AGBL1: variants seen among roughly 807,000 people sequenced by gnomAD.
AGBL1 encodes the protein AGBL carboxypeptidase 1.
Under a neutral mutation model 118.9 loss-of-function variants are expected in AGBL1, and 130 were observed. That is an observed-to-expected ratio of 1.09 (90% CI 0.95 to 1.26). The LOEUF (loss-of-function observed/expected upper bound fraction) is 1.26. AGBL1 is among the 50% of genes most tolerant of loss of function. The pLI is 0.00. For synonymous variants in AGBL1, 555 were observed against 478.9 expected (o/e 1.16, Z -2.08); for missense variants, 1,584 against 1,298.1 (o/e 1.22, Z -3.38).
chr15:86,160,513 T>C (rs1413503462), intron 5 of AGBL1, among the ~76,000 whole-genome samples: 1 of 152,172 alleles, frequency 6.6e-6, no homozygotes. Flanking sequence ...CTGTCCTCAA[T>C]CATCTCATGT....
intron 22 of AGBL1, among the ~76,000 whole-genome samples, chr15:86,899,627 T>C (rs187681555): frequency 6.6e-6 from 1 of 152,206 alleles, no homozygotes; most frequent in East Asian, 1.9e-4. Context: ...ATTTATTGGG[T>C]ATATCAAGTC....
intron 22 of AGBL1, among the ~76,000 whole-genome samples, chr15:86,799,627 C>A (rs1214087501): frequency 6.6e-6 from 1 of 152,110 alleles, no homozygotes; most frequent in Non-Finnish European, 1.5e-5. Context: ...AGGATTCCCG[C>A]ATCTCCAGAA....
chr15:86,837,915 C>G (rs2079191521), intron 22 of AGBL1, among the ~76,000 whole-genome samples: 1 of 152,186 alleles, frequency 6.6e-6, no homozygotes, highest in Non-Finnish European at 1.5e-5. Flanking sequence ...GCCCCCTCTT[C>G]CTACCTTTGT....
At chr15:86,499,089 C>G (rs1260193012) in intron 18 of AGBL1, among the ~76,000 whole-genome samples, 1 of 151,854 alleles carries the variant, frequency 6.6e-6, no homozygotes, top group Non-Finnish European at 1.5e-5. Flanking sequence ...TGGATTACAG[C>G]TCTGAGCTCA....
At chr15:86,470,072 G>A (rs1186390622) in intron 18 of AGBL1, among the ~76,000 whole-genome samples, 1 of 152,102 alleles carries the variant, frequency 6.6e-6, no homozygotes, top group Non-Finnish European at 1.5e-5. Flanking sequence ...AAGCATTTTA[G>A]TATGACACAA....
intron 22 of AGBL1, among the ~76,000 whole-genome samples, chr15:86,829,770 A>AT (rs897290822): frequency 6.6e-6 from 1 of 151,988 alleles, no homozygotes; most frequent in African/African-American, 2.4e-5. Context: ...CAGTTATTTT[A>AT]TTTTTTAAAA....
At chr15:86,956,789 A>G (rs1258698071) in intron 23 of AGBL1, among the ~76,000 whole-genome samples, 1 of 148,978 alleles carries the variant, frequency 6.7e-6, no homozygotes, top group Non-Finnish European at 1.5e-5. Flanking sequence ...AGCAATGAGA[A>G]GTAAAGAGCT....
Position 86,148,776 on chromosome 15 carries a change from A to G in AGBL1, c.262+4931A>G, listed in dbSNP as rs571535458. Among the ~76,000 whole-genome samples, 7 of 152,268 alleles carry G rather than the reference A, an allele frequency of 4.6e-5. No individual in the cohort carries two copies. The South Asian group carries it at 1.0e-3, about 23-fold the overall frequency. Reference sequence around the variant, plus strand: ...CATTCGAATTCAGGAAATACAGAGAACGCCACAAAGATACTCCTCGAGAAG... The same window carrying G: ...CATTCGAATTCAGGAAATACAGAGAGCGCCACAAAGATACTCCTCGAGAAG... On this transcript the variant is annotated intron_variant, in intron 3 of 22. Transcript: ENST00000614907.
At chr15:86,131,291 A>C (rs1164999507) in intron 1 of AGBL1, among the ~76,000 whole-genome samples, 1 of 152,150 alleles carries the variant, frequency 6.6e-6, no homozygotes, top group Non-Finnish European at 1.5e-5. Context: ...GAAATTGGCT[A>C]AGATTCAAGA....
At chr15:86,117,421 C>G (rs17592847) in intron 1 of AGBL1, among the ~76,000 whole-genome samples, 9,022 of 152,162 alleles carry the variant, frequency 0.059, 405 homozygotes, top group South Asian at 0.14. Flanking sequence ...ATCTGATTGA[C>G]CTACCTGTAA....
chr15:86,467,207 G>T (rs1348981491), intron 18 of AGBL1, among the ~76,000 whole-genome samples: 1 of 152,174 alleles, frequency 6.6e-6, no homozygotes, highest in Non-Finnish European at 1.5e-5. Context: ...TCTGGCTACA[G>T]AGGCTTTGGA....
At chr15:86,862,378 A>G in intron 22 of AGBL1, among the ~76,000 whole-genome samples, 1 of 152,234 alleles carries the variant, frequency 6.6e-6, no homozygotes, top group Non-Finnish European at 1.5e-5. Context: ...GTGCACACCT[A>G]TAAGATTGGA....
At chr15:86,610,969 G>T (rs918468727) in intron 21 of AGBL1, among the ~76,000 whole-genome samples, 1 of 152,174 alleles carries the variant, frequency 6.6e-6, no homozygotes. Context: ...ATCCACTTCA[G>T]ACCTGCTGAA....
At chr15:86,255,610 C>G (rs28390969) in intron 7 of AGBL1, among the ~76,000 whole-genome samples, 4,830 of 152,186 alleles carry the variant, frequency 0.032, 266 homozygotes, top group African/African-American at 0.11. Flanking sequence ...TGGGGAAACC[C>G]CGTCTCTATT....
At chr15:86,801,711 A>G (rs986814119) in intron 22 of AGBL1, among the ~76,000 whole-genome samples, 2 of 152,122 alleles carry the variant, frequency 1.3e-5, no homozygotes, top group Non-Finnish European at 2.9e-5. Context: ...TCTCTCCATC[A>G]TGGTACAGAT....
At chr15:86,356,194 G>A (rs1369599964) in intron 17 of AGBL1, among the ~76,000 whole-genome samples, 1 of 152,148 alleles carries the variant, frequency 6.6e-6, no homozygotes, top group African/African-American at 2.4e-5. Flanking sequence ...AAATGGAAGT[G>A]AGAAATAGAG....
At chr15:86,611,178 A>G (rs1201744831) in intron 21 of AGBL1, among the ~76,000 whole-genome samples, 1 of 152,232 alleles carries the variant, frequency 6.6e-6, no homozygotes, top group Non-Finnish European at 1.5e-5. Flanking sequence ...AAACTATATG[A>G]TATAGGTATG....
intron 6 of AGBL1, among the ~76,000 whole-genome samples, chr15:86,237,844 G>C (rs963029806): frequency 2.0e-5 from 3 of 152,126 alleles, no homozygotes; most frequent in Non-Finnish European, 2.9e-5. Context: ...AAATGGTGGG[G>C]GGTCACACAT....
At chr15:86,426,705 C>G (rs1284546231) in intron 18 of AGBL1, among the ~76,000 whole-genome samples, 1 of 152,196 alleles carries the variant, frequency 6.6e-6, no homozygotes, top group African/African-American at 2.4e-5. Context: ...GGATCATATC[C>G]TAAAGCTGCC....
Sources: allele counts gnomAD v4.1 joint callset (sites outside exome capture counted in the v4.1 genomes callset), GRCh38; gene constraint gnomAD v4.1.1; transcripts MANE v1.5; gene names NCBI Gene and HGNC (gene_info 2026-07-23, HGNC 2026-07-21).